DIP2B: variants seen among roughly 807,000 people sequenced by gnomAD.
The protein encoded by DIP2B is DIP2 acetate--CoA ligase B (putative).
Under a neutral mutation model 198.0 loss-of-function variants are expected in DIP2B, and 76 were observed. The ratio of observed to expected loss-of-function variants is 0.38; its 90% CI spans 0.32 to 0.46. The LOEUF (loss-of-function observed/expected upper bound fraction) is 0.46. Among genes scored for constraint, DIP2B ranks in the 20% least tolerant of loss-of-function variants. The probability of loss-of-function intolerance (pLI) is 0.99; values close to 1 mark genes in which losing one functional copy is unlikely to be tolerated. For missense variants in DIP2B, 1,559 were observed against 1,978.4 expected (o/e 0.79, Z 4.02); for synonymous variants, 701 against 739.1 (o/e 0.95, Z 0.84).
intron 1 of DIP2B, among the ~76,000 whole-genome samples, chr12:50,588,591 A>G (rs750574459): frequency 5.9e-5 from 9 of 152,148 alleles, no homozygotes; most frequent in African/African-American, 7.2e-5. Flanking sequence ...TGCTGTCTGA[A>G]TGAGATACCT....
rs566523646 is a variant in DIP2B, at chr12:50,511,715, C to T, written c.100+6475C>T. The stretch of plus-strand genomic sequence containing the variant: ...CTGTAATCCCAGCACTTTGGGAGGC[C>T]GAGGAGGGCGGATCACAAGGTCAAG... On this transcript the variant is annotated intron_variant, in intron 1 of 37. Transcript: ENST00000301180. Among the ~76,000 whole-genome samples the T allele has an allele frequency of 1.5e-3, 229 of 151,614 alleles. 2 individuals are homozygous for T. Among genetic ancestry groups the T allele is most frequent in the African/African-American group, 5.2e-3 (217 of 41,410 alleles).
intron 4 of DIP2B, among the ~76,000 whole-genome samples, chr12:50,662,677 T>C (rs1938672991): frequency 6.6e-6 from 1 of 152,188 alleles, no homozygotes. Context: ...TTATCTCGCA[T>C]ATGTACTCTG....
chr12:50,671,926 A>G (rs531422517), intron 5 of DIP2B, among the ~76,000 whole-genome samples: 52 of 152,336 alleles, frequency 3.4e-4, no homozygotes, highest in African/African-American at 1.2e-3. Flanking sequence ...TGCTATCGAT[A>G]CACTGCAGAT....
At chr12:50,669,572 G>T (rs1296519458) in intron 4 of DIP2B, among the ~76,000 whole-genome samples, 1 of 152,104 alleles carries the variant, frequency 6.6e-6, no homozygotes, top group Non-Finnish European at 1.5e-5. Context: ...TTACAGGTGT[G>T]CACCACCATG....
At chr12:50,591,007 G>A (rs1958814304) in intron 1 of DIP2B, among the ~76,000 whole-genome samples, 1 of 152,222 alleles carries the variant, frequency 6.6e-6, no homozygotes, top group Non-Finnish European at 1.5e-5. Flanking sequence ...CCTTATAAAA[G>A]AGACTTCACA....
chr12:50,611,058 A>G (rs1335927261), intron 1 of DIP2B, among the ~76,000 whole-genome samples: 2 of 152,108 alleles, frequency 1.3e-5, no homozygotes, highest in African/African-American at 4.8e-5. Flanking sequence ...TTGGCCTCCT[A>G]AAGTGCTGGG....
At chr12:50,616,891 C>T (rs2139459167) in intron 1 of DIP2B, among the ~76,000 whole-genome samples, 1 of 152,314 alleles carries the variant, frequency 6.6e-6, no homozygotes, top group South Asian at 2.1e-4. Context: ...CCTTTTTCAG[C>T]TTTGCTTTAA....
intron 35 of DIP2B, among the ~76,000 whole-genome samples, chr12:50,738,430 G>C (rs148268753): frequency 6.6e-6 from 1 of 152,238 alleles, no homozygotes; most frequent in African/African-American, 2.4e-5. Flanking sequence ...TCCACTTTGA[G>C]GCCAGGAGTT....
In DIP2B at chr12:50,660,062, A is replaced by G. The variant is rs543425313; in HGVS notation, c.302-132A>G. 55 of 968,366 alleles carry G rather than the reference A, an allele frequency of 5.7e-5. No individual in the cohort carries two copies. In the African/African-American group the frequency reaches 8.9e-4, roughly 16 times the overall value. The allele number at this position is 968,366 out of a possible 1,614,324, so 60.0% of individuals were successfully genotyped here. A position where few individuals can be genotyped will look rare whatever the true frequency, so the allele number is the denominator to read the frequency against. On this transcript the variant is annotated intron_variant, in intron 3 of 37. Transcript: ENST00000301180. ...CTAATTGGTCTTAATCAAATTATAA[A>G]TAAAAATCATCTGAACGTCCCCTTT... is the stretch of plus-strand genomic sequence containing the variant.
At chr12:50,556,542 A>C (rs1311509608) in intron 1 of DIP2B, among the ~76,000 whole-genome samples, 1 of 144,952 alleles carries the variant, frequency 6.9e-6, no homozygotes, top group Non-Finnish European at 1.5e-5. Context: ...CTTAAATGAC[A>C]CTATGTATTG....
At chr12:50,568,999 CCT>C (rs1210494781) in intron 1 of DIP2B, among the ~76,000 whole-genome samples, 2 of 151,704 alleles carry the variant, frequency 1.3e-5, no homozygotes, top group Non-Finnish European at 2.9e-5. Flanking sequence ...GCTTCCCTCC[CCT>C]CTCAACTAAT....
At position 50,735,027 on chromosome 12, in the gene DIP2B, TCTC is replaced by T. The variant is rs371711001; in HGVS notation, c.4044-42_4044-40del. On this transcript the variant is annotated intron_variant, in intron 33 of 37. Coordinates refer to ENST00000301180, the MANE Select transcript of DIP2B (RefSeq NM_173602.3). ...ACCGAGCTGCAGGAACATGGCGACTTCTCCTCTTAAAAGCCCTATATATAGTAA... is the reference window on the plus strand; with the variant it reads ...ACCGAGCTGCAGGAACATGGCGACTTCTCTTAAAAGCCCTATATATAGTAA... 7 of 1,610,200 alleles carry T rather than the reference TCTC, an allele frequency of 4.3e-6. No homozygotes were observed. In the African/African-American group the frequency reaches 5.3e-5, roughly 12 times the overall value.
chr12:50,516,241 C>CTCTCTATCTA (rs1555180931), intron 1 of DIP2B, among the ~76,000 whole-genome samples: 1 of 140,998 alleles, frequency 7.1e-6, no homozygotes, highest in Non-Finnish European at 1.5e-5. Context: ...CTCTCTCTCT[C>CTCTCTATCTA]TCTCTATCTC....
At chr12:50,722,626 A>G (rs1939860151) in intron 26 of DIP2B, among the ~76,000 whole-genome samples, 1 of 152,208 alleles carries the variant, frequency 6.6e-6, no homozygotes, top group African/African-American at 2.4e-5. Flanking sequence ...GTGATAAAGC[A>G]GTCCCCACCA....
At chr12:50,601,138 A>G (rs926485997) in intron 1 of DIP2B, among the ~76,000 whole-genome samples, 1 of 152,092 alleles carries the variant, frequency 6.6e-6, no homozygotes, top group Non-Finnish European at 1.5e-5. Flanking sequence ...TCTAAGCTCC[A>G]CAAGGGGACC....
At chr12:50,638,994 G>A (rs1190437668) in intron 2 of DIP2B, among the ~76,000 whole-genome samples, 1 of 152,032 alleles carries the variant, frequency 6.6e-6, no homozygotes, top group East Asian at 1.9e-4. Flanking sequence ...TCGGATTTGG[G>A]TATTTGGGGT....
intron 4 of DIP2B, among the ~76,000 whole-genome samples, chr12:50,660,673 C>T (rs1418858724): frequency 6.6e-6 from 1 of 151,918 alleles, no homozygotes. Context: ...CAATATACTA[C>T]TTGTAGTCAT....
intron 1 of DIP2B, among the ~76,000 whole-genome samples, chr12:50,529,361 A>G (rs1565813942): frequency 6.6e-6 from 1 of 152,366 alleles, no homozygotes; most frequent in East Asian, 1.9e-4. Context: ...GACATGTTCA[A>G]GTACTTGAAG....
intron 1 of DIP2B, among the ~76,000 whole-genome samples, chr12:50,599,443 C>T (rs1434487822): frequency 6.6e-6 from 1 of 152,130 alleles, no homozygotes; most frequent in Non-Finnish European, 1.5e-5. Context: ...TGGTGAAACC[C>T]TGTCTCTACT....
Sources: allele counts gnomAD v4.1 joint callset (sites outside exome capture counted in the v4.1 genomes callset), GRCh38; gene constraint gnomAD v4.1.1; transcripts MANE v1.5; gene names NCBI Gene and HGNC (gene_info 2026-07-23, HGNC 2026-07-21).